The following EFCAB8 variants were observed in gnomAD, a reference collection of about 807,000 sequenced individuals.
EFCAB8 encodes the protein EF-hand calcium binding domain 8, also known as EF-hand calcium-binding domain-containing protein 8.
Under a neutral mutation model 116.3 loss-of-function variants are expected in EFCAB8, and 100 were observed. The ratio of observed to expected loss-of-function variants is 0.86; its 90% confidence interval spans 0.73 to 1.02. The LOEUF is 1.02. Among genes scored for constraint, EFCAB8 ranks in the 50% least tolerant of loss-of-function variants. The probability of loss-of-function intolerance (pLI) is 0.00; values close to 1 mark genes in which losing one functional copy is unlikely to be tolerated. For missense variants in EFCAB8, 1,320 were observed against 1,416.9 expected, an observed-to-expected ratio of 0.93 and a Z score of 1.10; for synonymous variants, 558 against 567.9, an observed-to-expected ratio of 0.98 and a Z score of 0.25.
At chr20:32,862,817 C>T (rs1009192891) in intron 1 of EFCAB8, among the ~76,000 whole-genome samples, 3 of 151,570 alleles carry the variant, frequency 2.0e-5, no homozygotes, top group African/African-American at 7.3e-5. Context: ...TTAGTAGAGA[C>T]AGGGTTTCAA....
chr20:32,949,816 T>C (rs962263059), intron 23 of EFCAB8, among the ~76,000 whole-genome samples: 1 of 152,184 alleles, frequency 6.6e-6, no homozygotes, highest in African/African-American at 2.4e-5. Flanking sequence ...CTGGCCAACA[T>C]GGCAAAACCC....
chr20:32,875,929 T>G lies in EFCAB8; in HGVS notation c.212T>G (p.Leu71Arg), dbSNP rs1448114708. The G allele has an allele frequency of 6.4e-7, 1 of 1,551,734 alleles. No homozygotes were observed. Among genetic ancestry groups the G allele is most frequent in the South Asian group, 1.2e-5 (1 of 84,054 alleles). Residue 71 changes from leucine (L) to arginine (R), a missense_variant, in exon 4 of 27, where the codon CTG becomes CGG. Physicochemically the swap from Leu to Arg is moderately radical, Grantham distance 102. Transcript: ENST00000400522. ...FEEDINSTGA[L>R]GMDAFIKAMK... ...GCTCTCTGTTCTCTCTTTGAAGCCC[T>G]GGGCATGGACGCCTTCATCAAGGCC...
chr20:32,915,137 A>C (rs1490322528), intron 17 of EFCAB8, among the ~76,000 whole-genome samples: 1 of 152,142 alleles, frequency 6.6e-6, no homozygotes, highest in Non-Finnish European at 1.5e-5. Context: ...TCTTGGTTTC[A>C]AGCAATCCTC....
At chr20:32,888,044 CCT>C (rs1985720999) in intron 6 of EFCAB8, among the ~76,000 whole-genome samples, 1 of 151,810 alleles carries the variant, frequency 6.6e-6, no homozygotes, top group Admixed American at 6.6e-5. Context: ...CCATGGCTAT[CCT>C]CTCTACATAT....
intron 5 of EFCAB8, among the ~76,000 whole-genome samples, chr20:32,883,277 A>G (rs1985434885): frequency 6.6e-6 from 1 of 152,220 alleles, no homozygotes; most frequent in South Asian, 2.1e-4. Context: ...TTAATGTCCC[A>G]TAACAAGGTA....
chr20:32,955,610 G>A (rs145933808), intron 23 of EFCAB8, among the ~76,000 whole-genome samples: 198 of 152,284 alleles, frequency 1.3e-3, no homozygotes, highest in African/African-American at 4.5e-3. Context: ...CGAGAGTCCT[G>A]TTTGGATTAG....
At chr20:32,934,734 C>A (rs1988036825) in intron 22 of EFCAB8, among the ~76,000 whole-genome samples, 1 of 152,154 alleles carries the variant, frequency 6.6e-6, no homozygotes, top group African/African-American at 2.4e-5. Context: ...AAGGGCAGTT[C>A]CCCTGCTCAT....
intron 8 of EFCAB8, among the ~76,000 whole-genome samples, chr20:32,892,841 T>C (rs1469362015): frequency 1.4e-5 from 2 of 147,846 alleles, no homozygotes; most frequent in South Asian, 2.1e-4. Flanking sequence ...CTTTTTTTTT[T>C]TTTTTTCTTT....
At position 32,940,981 on chromosome 20, in the gene EFCAB8, C is replaced by T. The variant is rs544722813; in HGVS notation, c.2791-2655C>T. On this transcript the variant is annotated intron_variant, in intron 22 of 26. Coordinates refer to ENST00000400522, the MANE Select transcript of EFCAB8 (RefSeq NM_001143967.2). ...TAGAATGTAGAAAGCTGGCCAGGTA[C>T]GGTGGCTCAGGCCTGTAATCCCAGC... is the stretch of plus-strand genomic sequence containing the variant. Among the ~76,000 whole-genome samples, 10 of 149,556 alleles carry T rather than the reference C, an allele frequency of 6.7e-5. 1 individual carries two copies. Among genetic ancestry groups the T allele is most frequent in the Non-Finnish European group, 1.0e-4 (7 of 67,374 alleles).
intron 3 of EFCAB8, among the ~76,000 whole-genome samples, chr20:32,871,790 CCTT>C (rs1387099435): frequency 6.6e-6 from 1 of 152,166 alleles, no homozygotes; most frequent in Non-Finnish European, 1.5e-5. Context: ...ATGCCAGTGT[CCTT>C]CTTCCTGTTC....
intron 4 of EFCAB8, among the ~76,000 whole-genome samples, chr20:32,877,711 A>T (rs1485776840): frequency 1.3e-5 from 2 of 152,214 alleles, no homozygotes; most frequent in Non-Finnish European, 2.9e-5. Context: ...GTTTTCCAGC[A>T]GCTGGGCAGT....
At chr20:32,918,259 G>T in intron 18 of EFCAB8, 103 bp from the exon 19 acceptor site, 1 of 1,187,116 alleles carries the variant, frequency 8.4e-7, no homozygotes, top group Non-Finnish European at 1.2e-6. Context: ...AGCAAGCCCT[G>T]GGGGGCTGGA....
intron 17 of EFCAB8, among the ~76,000 whole-genome samples, chr20:32,915,672 C>CTTTTTT (rs34915357): frequency 4.2e-5 from 6 of 141,792 alleles, no homozygotes; most frequent in African/African-American, 1.6e-4. Flanking sequence ...CTATTACCTA[C>CTTTTTT]TTTTTTTTTT....
intron 16 of EFCAB8, among the ~76,000 whole-genome samples, chr20:32,912,483 A>G (rs181058253): frequency 1.5e-3 from 222 of 151,296 alleles, no homozygotes; most frequent in African/African-American, 5.2e-3. Context: ...CCAAGATGCC[A>G]GGGGTTGAGT....
intron 20 of EFCAB8, among the ~76,000 whole-genome samples, chr20:32,924,143 T>TC (rs953661608): frequency 2.0e-5 from 3 of 152,244 alleles, no homozygotes; most frequent in Admixed American, 1.3e-4. Context: ...AGCCTCCACT[T>TC]CCCAGGCTCA....
chr20:32,957,127 A>G (rs2146305474), intron 23 of EFCAB8, among the ~76,000 whole-genome samples: 1 of 151,648 alleles, frequency 6.6e-6, no homozygotes, highest in South Asian at 2.1e-4. Context: ...TTTTCTATAG[A>G]TTGCAATTCT....
At chr20:32,921,361 TTGTGTGTG>T (rs71858676) in intron 20 of EFCAB8, among the ~76,000 whole-genome samples, 13,327 of 129,232 alleles carry the variant, frequency 0.1, 764 homozygotes, top group East Asian at 0.16. Flanking sequence ...CCCAGCTATT[TTGTGTGTG>T]TGTGTGTGTG....
rs1364940853 is a variant in EFCAB8, at chr20:32,893,162, A to G, written c.759-12A>G. 14 of 1,551,586 alleles carry G rather than the reference A, an allele frequency of 9.0e-6. No homozygotes were observed. The highest frequency in any genetic ancestry group is 1.4e-5 in the African/African-American group (1 of 73,020). ...AGCCCACACAACCTCTTCCGTCTCC[A>G]TCTTTCTGCAGGTCTGACTATCACA... On this transcript the variant is annotated splice_polypyrimidine_tract_variant and intron_variant, in intron 8 of 26. Transcript: ENST00000400522.
intron 17 of EFCAB8, among the ~76,000 whole-genome samples, chr20:32,915,240 A>G (rs1600419939): frequency 2.0e-5 from 3 of 152,284 alleles, no homozygotes; most frequent in Admixed American, 2.0e-4. Flanking sequence ...TCTTTAAACC[A>G]TTTGTCTCTT....
Sources: allele counts gnomAD v4.1 joint callset (sites outside exome capture counted in the v4.1 genomes callset), GRCh38; gene constraint gnomAD v4.1.1; transcripts MANE v1.5; gene names NCBI Gene and HGNC (gene_info 2026-07-23, HGNC 2026-07-21).